PKHD1L1: variants seen among roughly 807,000 people sequenced by gnomAD.
PKHD1L1 encodes fibrocystin-L.
In PKHD1L1, 434 loss-of-function variants were observed where a neutral mutation model predicts 462.9. The observed-to-expected ratio is 0.94, with a 90% CI of 0.87 to 1.02. The LOEUF is 1.02. Among genes scored for constraint, PKHD1L1 ranks in the 50% least tolerant of loss-of-function variants. PKHD1L1 has a pLI of 0.00. For missense variants in PKHD1L1, 5,202 were observed against 5,096.1 expected (o/e 1.02, Z -0.63); for synonymous variants, 1,781 against 1,750.0 (o/e 1.02, Z -0.44).
intron 7 of PKHD1L1, 146 bp downstream of exon 7, chr8:109,388,696 T>C (rs534910070): frequency 2.0e-5 from 13 of 637,904 alleles, no homozygotes; most frequent in East Asian, 1.7e-4. Context: ...GCATTAGCAA[T>C]CATTTTTACA....
chr8:109,378,774 C>T (rs772785377), intron 2 of PKHD1L1, among the ~76,000 whole-genome samples: 1 of 152,160 alleles, frequency 6.6e-6, no homozygotes, highest in East Asian at 1.9e-4. Context: ...GGCTTCTGGG[C>T]AGTCGAAGAG....
At chr8:109,456,028 C>A (rs1369228197) in intron 45 of PKHD1L1, among the ~76,000 whole-genome samples, 1 of 152,034 alleles carries the variant, frequency 6.6e-6, no homozygotes, top group Non-Finnish European at 1.5e-5. Flanking sequence ...TATATCATTG[C>A]AGAAGAATAT....
intron 16 of PKHD1L1, among the ~76,000 whole-genome samples, chr8:109,405,690 G>A (rs1012702705): frequency 6.6e-6 from 1 of 151,860 alleles, no homozygotes; most frequent in Non-Finnish European, 1.5e-5. Context: ...CCTGTTGGGG[G>A]GTGGGGTCGG....
At chr8:109,418,982 A>G in intron 21 of PKHD1L1, 115 bp from the exon 22 acceptor site, 1 of 882,608 alleles carries the variant, frequency 1.1e-6, no homozygotes, top group East Asian at 2.7e-5. Flanking sequence ...AGCTCCCCTG[A>G]TGGTCGTCTT....
chr8:109,380,366 T>G (rs1390510276), intron 2 of PKHD1L1, among the ~76,000 whole-genome samples: 2 of 152,126 alleles, frequency 1.3e-5, no homozygotes, highest in African/African-American at 4.8e-5. Flanking sequence ...ATATTCAGCT[T>G]TACATCCTCT....
chr8:109,518,614 C>A, intron 73 of PKHD1L1, 106 bp downstream of exon 73: 1 of 916,328 alleles, frequency 1.1e-6, no homozygotes, highest in Non-Finnish European at 1.6e-6. Context: ...ATCCCATCAA[C>A]CCCACATCCT....
In PKHD1L1 at chr8:109,413,554, C is replaced by A; in HGVS notation, c.2360+9C>A. On this transcript the variant is annotated intron_variant, in intron 21 of 77. Transcript: ENST00000378402. ...TTTGCTTATGGAAACAAGTAAGTTA[C>A]GCTATGAATTTGAAAATTACATTAT... 1 of 1,494,576 alleles carries A rather than the reference C, an allele frequency of 6.7e-7. No individual in the cohort carries two copies. The highest frequency in any genetic ancestry group is 8.9e-7 in the Non-Finnish European group (1 of 1,120,852). The allele number at this position is 1,494,576 out of a possible 1,614,324, so 92.6% of individuals were successfully genotyped here. A position where few individuals can be genotyped will look rare whatever the true frequency, so the allele number is the denominator to read the frequency against.
chr8:109,414,451 T>C (rs2130613621), intron 21 of PKHD1L1, among the ~76,000 whole-genome samples: 1 of 152,268 alleles, frequency 6.6e-6, no homozygotes, highest in South Asian at 2.1e-4. Flanking sequence ...CTCATAAAAA[T>C]AACCATGGTG....
chr8:109,504,854 G>A, intron 68 of PKHD1L1, among the ~76,000 whole-genome samples: 1 of 152,118 alleles, frequency 6.6e-6, no homozygotes, highest in Non-Finnish European at 1.5e-5. Context: ...TCAGGAGGTT[G>A]AAGCAAGAGG....
chr8:109,439,173 T>C (rs1815626832), intron 32 of PKHD1L1, 81 bp downstream of exon 32: 3 of 1,297,180 alleles, frequency 2.3e-6, no homozygotes, highest in African/African-American at 3.0e-5. Flanking sequence ...AAGTGGGCAT[T>C]AAGCTTTAGG....
Position 109,456,256 on chromosome 8 carries a change from T to C in PKHD1L1, c.6875-6T>C. 6.2e-7 allele frequency: 1 copy of C among 1,610,792 alleles called. No homozygotes were observed. ...AGGAAATACTCAGTGTGTATGTTGG[T>C]TCTAGGTGTGCCTGTTCCTGTGACC... On this transcript the variant is annotated splice_polypyrimidine_tract_variant and splice_region_variant and intron_variant, in intron 45 of 77. Transcript: ENST00000378402.
intron 5 of PKHD1L1, among the ~76,000 whole-genome samples, 176 bp from the exon 6 acceptor site, chr8:109,385,361 T>G (rs1812384282): frequency 6.6e-6 from 1 of 152,084 alleles, no homozygotes; most frequent in African/African-American, 2.4e-5. Flanking sequence ...CAGATACTCA[T>G]TCATATTTTA....
chr8:109,384,023 A>G, intron 4 of PKHD1L1, 47 bp from the exon 5 acceptor site: 3 of 1,287,474 alleles, frequency 2.3e-6, no homozygotes, highest in Non-Finnish European at 3.4e-6. Context: ...ACAAAACTAG[A>G]AACAAAACAG....
At chr8:109,518,059 A>G (rs1324134302) in intron 72 of PKHD1L1, 108 bp from the exon 73 acceptor site, 1 of 728,020 alleles carries the variant, frequency 1.4e-6, no homozygotes, top group African/African-American at 1.8e-5. Context: ...AGAATGATAA[A>G]GTTGAATTTG....
At position 109,419,150 on chromosome 8, in the gene PKHD1L1, G is replaced by C; in HGVS notation, c.2414G>C (p.Gly805Ala). 6.2e-7 allele frequency: 1 copy of C among 1,613,438 alleles called. No individual in the cohort carries two copies. Among genetic ancestry groups the C allele is most frequent in the South Asian group, 1.1e-5 (1 of 91,046 alleles). ...LLDLVRTKYTGTNVSLQRISL... is the reference protein window; with the variant it reads ...LLDLVRTKYTATNVSLQRISL... ...GATCTCGTAAGAACGAAATACACTG[G>C]GACAAATGTTTCTCTTCAGAGGATT... Residue 805 changes from glycine to alanine, a missense_variant, in exon 22 of 78, where the codon GGG becomes GCG. Physicochemically the swap from Gly to Ala is moderately conservative, Grantham distance 60. Coordinates refer to ENST00000378402, the MANE Select transcript of PKHD1L1 (RefSeq NM_177531.6).
Position 109,459,703 on chromosome 8 carries a change from C to A in PKHD1L1, c.7113C>A (p.Val2371=). 6.2e-7 allele frequency: 1 copy of A among 1,611,824 alleles called. No individual in the cohort carries two copies. The highest frequency in any genetic ancestry group is 1.1e-5 in the South Asian group (1 of 90,780). The part of the protein sequence containing the change: ...PLNYTHLGIT[V]TLPDGTLFEA... ...ATTACACACACTTAGGAATTACGGT[C>A]ACACTCCCTGATGGAACTCTGTTTG... The change falls in exon 47 of 78, where the codon GTC becomes GTA. Residue 2371 remains valine, a synonymous_variant. Coordinates refer to ENST00000378402, the MANE Select transcript of PKHD1L1 (RefSeq NM_177531.6).
At chr8:109,402,633 C>A (rs1325785514) in intron 14 of PKHD1L1, among the ~76,000 whole-genome samples, 1 of 152,154 alleles carries the variant, frequency 6.6e-6, no homozygotes, top group Non-Finnish European at 1.5e-5. Flanking sequence ...TGCTAATATC[C>A]CATTGCCCAA....
chr8:109,436,360 T>G lies in PKHD1L1; in HGVS notation c.3528T>G (p.Ser1176=), dbSNP rs1815407775. The change falls in exon 30 of 78, where the codon TCT becomes TCG. Residue 1176 remains serine, a synonymous_variant. Coordinates refer to ENST00000378402, the MANE Select transcript of PKHD1L1 (RefSeq NM_177531.6). ...AAGGTGGTACTCTACTGACTTTATC[T>G]GGATTTGGCTTTAATGAAAATTCAA... ...SIAGGTLLTL[S]GFGFNENSKV... 1 of 1,613,032 alleles carries G rather than the reference T, an allele frequency of 6.2e-7. No individual in the cohort carries two copies. The highest frequency in any genetic ancestry group is 1.3e-5 in the African/African-American group (1 of 74,896).
rs758172480 is a variant in PKHD1L1, at chr8:109,418,702, G to A, written c.2361-395G>A. Among the ~76,000 whole-genome samples, 67 of 152,174 alleles carry A rather than the reference G, an allele frequency of 4.4e-4. No homozygotes were observed. In the Middle Eastern group the frequency reaches 0.014, roughly 31 times the overall value. On this transcript the variant is annotated intron_variant, in intron 21 of 77. Coordinates refer to ENST00000378402, the MANE Select transcript of PKHD1L1 (RefSeq NM_177531.6). ...AGTTCCAGTTTTGCTTCTTAGCAGC[G>A]GACTGAACTTACTGTTCTATGCCTG... is the stretch of plus-strand genomic sequence containing the variant.
Sources: gnomAD v4.1 joint callset for allele counts (sites outside exome capture counted in the v4.1 genomes callset) on GRCh38, gnomAD v4.1.1 for gene constraint, MANE v1.5 for transcripts, NCBI Gene and HGNC (gene_info 2026-07-23, HGNC 2026-07-21) for gene names.